CSMD3: variants seen among roughly 807,000 people sequenced by gnomAD.
CSMD3 encodes the protein CUB and Sushi multiple domains 3, also known as CUB and sushi domain-containing protein 3.
A neutral mutation model predicts 435.2 loss-of-function variants in CSMD3; 177 were observed. That is an observed-to-expected ratio of 0.41 (90% CI 0.36 to 0.46). CSMD3 has a LOEUF of 0.46. CSMD3 is among the 20% of genes least tolerant of loss of function. CSMD3 has a pLI of 0.34. For missense variants in CSMD3, 4,265 were observed against 4,504.6 expected, an observed-to-expected ratio of 0.95 and a Z score of 1.52; for synonymous variants, 1,656 against 1,520.5, an observed-to-expected ratio of 1.09 and a Z score of -2.07.
chr8:112,591,480 A>T (rs1831188724), intron 22 of CSMD3, among the ~76,000 whole-genome samples: 1 of 152,114 alleles, frequency 6.6e-6, no homozygotes, highest in South Asian at 2.1e-4. Context: ...ATAAACTGAA[A>T]AAATGCTTTT....
At chr8:113,075,713 A>G (rs2089307724) in intron 5 of CSMD3, among the ~76,000 whole-genome samples, 1 of 151,842 alleles carries the variant, frequency 6.6e-6, no homozygotes, top group South Asian at 2.1e-4. Flanking sequence ...GTCTCAACCT[A>G]TTTAAATGTT....
chr8:112,953,282 A>G (rs1033283679), intron 8 of CSMD3, among the ~76,000 whole-genome samples: 3 of 151,546 alleles, frequency 2.0e-5, no homozygotes, highest in African/African-American at 7.2e-5. Flanking sequence ...TTGATATGTA[A>G]GAGTCATCTC....
intron 9 of CSMD3, among the ~76,000 whole-genome samples, chr8:112,928,745 C>T (rs1223856214): frequency 6.6e-6 from 1 of 150,386 alleles, no homozygotes; most frequent in East Asian, 1.9e-4. Context: ...CCGCAATAAA[C>T]ATACATGTGC....
chr8:112,706,616 A>G (rs1307768525), intron 13 of CSMD3, among the ~76,000 whole-genome samples: 1 of 151,976 alleles, frequency 6.6e-6, no homozygotes, highest in Non-Finnish European at 1.5e-5. Flanking sequence ...GCTCAGTAGA[A>G]CTGGAGTTCA....
intron 35 of CSMD3, among the ~76,000 whole-genome samples, chr8:112,401,468 T>G (rs1371653366): frequency 1.3e-5 from 2 of 152,270 alleles, no homozygotes; most frequent in African/African-American, 2.4e-5. Flanking sequence ...TAATGTGATG[T>G]TTAAATTTTT....
At chr8:113,263,710 C>T (rs996374052) in intron 3 of CSMD3, among the ~76,000 whole-genome samples, 1 of 151,714 alleles carries the variant, frequency 6.6e-6, no homozygotes, top group Non-Finnish European at 1.5e-5. Context: ...ATTAAAAGAA[C>T]ATATAAAATC....
intron 32 of CSMD3, among the ~76,000 whole-genome samples, chr8:112,459,358 TG>T (rs35526867): frequency 0.3 from 33,544 of 110,920 alleles, 4,891 homozygotes; most frequent in African/African-American, 0.46. Context: ...TGTGTGTGTG[TG>T]GGGGGGGGGG....
At chr8:113,384,774 G>A (rs2094432295) in intron 1 of CSMD3, among the ~76,000 whole-genome samples, 1 of 152,114 alleles carries the variant, frequency 6.6e-6, no homozygotes, top group African/African-American at 2.4e-5. Context: ...AAATGCCAGG[G>A]TTTTCTCTCC....
rs2130812027 is a variant in CSMD3 at position 112,310,962 on chromosome 8, G to T, written c.7885+16C>A. ...CACATTCATGTTTTTGTTCATTTTG[G>T]CATAATATACTTCACCTTGACAGGC... On this transcript the variant is annotated intron_variant, in intron 50 of 70. Coordinates refer to ENST00000297405, the MANE Select transcript of CSMD3 (RefSeq NM_198123.2). 5 of 1,608,488 alleles carry T rather than the reference G, an allele frequency of 3.1e-6. No homozygotes were observed. The highest frequency in any genetic ancestry group is 4.3e-6 in the Non-Finnish European group (5 of 1,175,056).
At chr8:113,086,884 T>A in intron 5 of CSMD3, among the ~76,000 whole-genome samples, 1 of 152,192 alleles carries the variant, frequency 6.6e-6, no homozygotes, top group Middle Eastern at 3.2e-3. Context: ...CTTTAATAAC[T>A]TAAAAATTTA....
chr8:112,346,084 T>C lies in CSMD3; in HGVS notation c.6442+13A>G, dbSNP rs759547063. ...ATATTGAAAGCTCTTTCACGTGTTTTTAATACACATACCAAAACCTATGGG... is the reference window on the plus strand; with the variant it reads ...ATATTGAAAGCTCTTTCACGTGTTTCTAATACACATACCAAAACCTATGGG... On this transcript the variant is annotated intron_variant, in intron 41 of 70. Coordinates refer to ENST00000297405, the MANE Select transcript of CSMD3 (RefSeq NM_198123.2). 12 of 1,368,626 alleles carry C rather than the reference T, an allele frequency of 8.8e-6. No individual in the cohort carries two copies. In the East Asian group the frequency reaches 2.7e-4, roughly 31 times the overall value. The allele number at this position is 1,368,626 out of a possible 1,614,324, so 84.8% of individuals were successfully genotyped here.
intron 6 of CSMD3, among the ~76,000 whole-genome samples, chr8:113,017,408 A>C (rs1210955350): frequency 6.7e-6 from 1 of 149,980 alleles, no homozygotes; most frequent in African/African-American, 2.5e-5. Flanking sequence ...GCACAAAACA[A>C]ATGAAATATC....
chr8:113,298,482 A>G (rs2093739090), intron 2 of CSMD3, among the ~76,000 whole-genome samples: 1 of 152,190 alleles, frequency 6.6e-6, no homozygotes, highest in African/African-American at 2.4e-5. Context: ...GTTTCATAAT[A>G]AAATATTCCT....
chr8:113,092,419 C>G (rs1251444096), intron 5 of CSMD3, among the ~76,000 whole-genome samples: 1 of 152,062 alleles, frequency 6.6e-6, no homozygotes, highest in Non-Finnish European at 1.5e-5. Context: ...TAGTTATCCT[C>G]TAACACCTTT....
chr8:113,264,450 A>G (rs912159875), intron 3 of CSMD3, among the ~76,000 whole-genome samples: 1 of 151,166 alleles, frequency 6.6e-6, no homozygotes, highest in Non-Finnish European at 1.5e-5. Flanking sequence ...GGATTACATA[A>G]TAAGTTTGAT....
At chr8:112,626,130 G>T (rs1039574611) in intron 22 of CSMD3, among the ~76,000 whole-genome samples, 13 of 152,036 alleles carry the variant, frequency 8.6e-5, no homozygotes, top group African/African-American at 3.1e-4. Context: ...AACCAGAAAT[G>T]ATAATGAAAA....
chr8:112,891,417 T>C (rs1221700724), intron 10 of CSMD3, among the ~76,000 whole-genome samples: 1 of 151,648 alleles, frequency 6.6e-6, no homozygotes, highest in African/African-American at 2.4e-5. Context: ...AGTTTATACC[T>C]AGTACTTTTA....
chr8:113,232,535 T>C (rs1373805409), intron 3 of CSMD3, among the ~76,000 whole-genome samples: 1 of 151,760 alleles, frequency 6.6e-6, no homozygotes, highest in Non-Finnish European at 1.5e-5. Context: ...GCTGGTACTA[T>C]GGATTCTATT....
chr8:113,080,367 C>A (rs560063748), intron 5 of CSMD3, among the ~76,000 whole-genome samples: 2 of 152,130 alleles, frequency 1.3e-5, no homozygotes, highest in Non-Finnish European at 2.9e-5. Context: ...GATGTAACTA[C>A]TGAAGCTATG....
Sources: gnomAD v4.1 joint callset for allele counts (sites outside exome capture counted in the v4.1 genomes callset) on GRCh38, gnomAD v4.1.1 for gene constraint, MANE v1.5 for transcripts, NCBI Gene and HGNC (gene_info 2026-07-23, HGNC 2026-07-21) for gene names.